PXDNL: variants seen among roughly 807,000 people sequenced by gnomAD.
The protein encoded by PXDNL is probable oxidoreductase PXDNL.
In PXDNL, 145 loss-of-function variants were observed where a neutral mutation model predicts 150.8. That is an observed-to-expected ratio of 0.96 (90% confidence interval 0.84 to 1.10). The LOEUF is 1.10. Ranked by LOEUF, PXDNL falls within the 50% of genes least tolerant of loss-of-function variation. The pLI is 0.00. For missense variants in PXDNL, 2,087 were observed against 1,873.9 expected, an observed-to-expected ratio of 1.11 and a Z score of -2.10; for synonymous variants, 757 against 725.7, an observed-to-expected ratio of 1.04 and a Z score of -0.69.
At chr8:51,744,060 AGG>A (rs879382926) in intron 1 of PXDNL, among the ~76,000 whole-genome samples, 8,889 of 70,238 alleles carry the variant, frequency 0.13, 812 homozygotes, top group African/African-American at 0.16. Context: ...GAAGGAAGGA[AGG>A]AAGGAAGGAA....
At chr8:51,673,299 A>G (rs1815537595) in intron 1 of PXDNL, among the ~76,000 whole-genome samples, 1 of 152,172 alleles carries the variant, frequency 6.6e-6, no homozygotes, top group Non-Finnish European at 1.5e-5. Flanking sequence ...ATATAGGAAA[A>G]CCTATAAGAA....
At chr8:51,613,071 G>C (rs931601528) in intron 2 of PXDNL, among the ~76,000 whole-genome samples, 3 of 152,104 alleles carry the variant, frequency 2.0e-5, no homozygotes. Flanking sequence ...ATAGGGAGAG[G>C]AAGCATCAGA....
chr8:51,432,102 G>A (rs75397574), intron 12 of PXDNL, among the ~76,000 whole-genome samples: 5 of 152,054 alleles, frequency 3.3e-5, no homozygotes, highest in African/African-American at 1.2e-4. Flanking sequence ...TATTGAAAAA[G>A]AGTTAAATGT....
intron 1 of PXDNL, among the ~76,000 whole-genome samples, chr8:51,712,181 T>A (rs1197239120): frequency 6.6e-6 from 1 of 151,684 alleles, no homozygotes; most frequent in Non-Finnish European, 1.5e-5. Context: ...GTTCTTTGAT[T>A]TTTTTTTTCT....
chr8:51,716,434 A>G (rs1816617728), intron 1 of PXDNL, among the ~76,000 whole-genome samples: 1 of 152,224 alleles, frequency 6.6e-6, no homozygotes, highest in African/African-American at 2.4e-5. Flanking sequence ...ACTTTCAGTC[A>G]AGCTAGTTGA....
At chr8:51,463,760 A>G (rs937005045) in intron 8 of PXDNL, among the ~76,000 whole-genome samples, 1 of 152,204 alleles carries the variant, frequency 6.6e-6, no homozygotes, top group Non-Finnish European at 1.5e-5. Flanking sequence ...CCATACTCTC[A>G]GACACAGTGT....
intron 21 of PXDNL, chr8:51,321,253 A>AT (rs1167702442): frequency 1.2e-5 from 2 of 168,294 alleles, no homozygotes; most frequent in South Asian, 2.0e-4. Flanking sequence ...TATTTTATTT[A>AT]TTTTTTGTCC....
intron 1 of PXDNL, chr8:51,721,842 C>T (rs950108164): frequency 2.9e-5 from 8 of 276,276 alleles, no homozygotes; most frequent in Non-Finnish European, 5.8e-5. Context: ...AGCTGGTTTA[C>T]AATGGTAAAC....
At chr8:51,492,741 G>A (rs866587731) in intron 5 of PXDNL, among the ~76,000 whole-genome samples, 9 of 152,128 alleles carry the variant, frequency 5.9e-5, no homozygotes, top group Non-Finnish European at 1.0e-4. Flanking sequence ...GGGGAGGGGC[G>A]CCTGCGATTG....
chr8:51,543,248 G>A (rs900154009), intron 4 of PXDNL, among the ~76,000 whole-genome samples: 4 of 152,136 alleles, frequency 2.6e-5, no homozygotes, highest in African/African-American at 9.7e-5. Context: ...TATGCCCGGT[G>A]ATACTACTCT....
At chr8:51,591,024 TAAG>T (rs1352959285) in intron 3 of PXDNL, among the ~76,000 whole-genome samples, 5 of 152,210 alleles carry the variant, frequency 3.3e-5, no homozygotes, top group Non-Finnish European at 7.3e-5. Context: ...GAGGGACTAT[TAAG>T]AAGTGATTAG....
At chr8:51,536,625 G>GTTT (rs11310622) in intron 4 of PXDNL, among the ~76,000 whole-genome samples, 1 of 147,500 alleles carries the variant, frequency 6.8e-6, no homozygotes. Context: ...AAGTCTTTCA[G>GTTT]TTTTTTTTTT....
chr8:51,662,093 G>A (rs1034153606), intron 1 of PXDNL, among the ~76,000 whole-genome samples: 2 of 152,176 alleles, frequency 1.3e-5, no homozygotes, highest in African/African-American at 4.8e-5. Flanking sequence ...AAGGAGAGCT[G>A]AGACTTGCTC....
chr8:51,436,634 G>A (rs563053505), intron 12 of PXDNL: 1 of 184,298 alleles, frequency 5.4e-6, no homozygotes, highest in African/African-American at 2.4e-5. Flanking sequence ...GTGAAATCAA[G>A]ATGGAAATTT....
intron 2 of PXDNL, among the ~76,000 whole-genome samples, chr8:51,638,993 C>G (rs900860157): frequency 3.9e-5 from 6 of 152,130 alleles, no homozygotes; most frequent in African/African-American, 1.4e-4. Flanking sequence ...GAAATTACAA[C>G]AAACTGTCTC....
chr8:51,525,964 C>G (rs1355482377), intron 4 of PXDNL, among the ~76,000 whole-genome samples: 1 of 152,332 alleles, frequency 6.6e-6, no homozygotes, highest in Non-Finnish European at 1.5e-5. Context: ...AAATGGCATG[C>G]TCACTCATAC....
intron 4 of PXDNL, among the ~76,000 whole-genome samples, chr8:51,550,912 C>T (rs756658074): frequency 1.3e-5 from 2 of 152,098 alleles, no homozygotes; most frequent in African/African-American, 2.4e-5. Context: ...TACCAGAAAA[C>T]CCTAAAGGCT....
chr8:51,714,883 T>C (rs1303741842), intron 1 of PXDNL, among the ~76,000 whole-genome samples: 2 of 152,222 alleles, frequency 1.3e-5, no homozygotes, highest in African/African-American at 2.4e-5. Context: ...AAAACATTAC[T>C]GAGTTGTTAA....
chr8:51,779,238 C>T (rs2037386828), intron 1 of PXDNL, among the ~76,000 whole-genome samples: 1 of 152,208 alleles, frequency 6.6e-6, no homozygotes, highest in African/African-American at 2.4e-5. Context: ...CTCCCCTATG[C>T]ACCTCATCAA....
Sources: gnomAD v4.1 joint callset for allele counts (sites outside exome capture counted in the v4.1 genomes callset) on GRCh38, gnomAD v4.1.1 for gene constraint, MANE v1.5 for transcripts, NCBI Gene and HGNC (gene_info 2026-07-23, HGNC 2026-07-21) for gene names.